The following SAMD4A variants were observed in gnomAD, a reference collection of about 807,000 sequenced individuals.
The protein encoded by SAMD4A is sterile alpha motif domain containing 4A.
In SAMD4A, 33 loss-of-function variants were observed where a neutral mutation model predicts 81.3. That is an observed-to-expected ratio of 0.41 (90% CI 0.31 to 0.54). SAMD4A has a LOEUF of 0.54. Among genes scored for constraint, SAMD4A ranks in the 20% least tolerant of loss-of-function variants. The pLI, the probability that SAMD4A is intolerant of heterozygous loss-of-function variation, is 0.37. For synonymous variants in SAMD4A, 389 were observed against 382.1 expected, an observed-to-expected ratio of 1.02 and a Z score of -0.21; for missense variants, 854 against 951.1, an observed-to-expected ratio of 0.90 and a Z score of 1.34.
rs775135302 is a variant in SAMD4A, at chr14:54,775,154, AAGG to A, written c.1917+27_1917+29del. The A allele has an allele frequency of 1.1e-5, 18 of 1,614,002 alleles. No homozygotes were observed. The highest frequency in any genetic ancestry group is 8.3e-5 in the Admixed American group (5 of 60,010). ...AAGACAGGTTTGTTCTGCCCCAAGG[AAGG>A]AGGAGGATGGCCAAGCTCAAGGCCC... On this transcript the variant is annotated intron_variant, in intron 10 of 12. Coordinates refer to ENST00000554335, the MANE Select transcript of SAMD4A (RefSeq NM_015589.6).
chr14:54,647,395 G>A (rs2035309076), intron 2 of SAMD4A, among the ~76,000 whole-genome samples: 2 of 152,190 alleles, frequency 1.3e-5, no homozygotes, highest in Admixed American at 6.5e-5. Context: ...GTAAGTGGCA[G>A]AACAGTTCTA....
At chr14:54,656,597 AAGCTG>A (rs1443804456) in intron 2 of SAMD4A, among the ~76,000 whole-genome samples, 47 of 152,142 alleles carry the variant, frequency 3.1e-4, no homozygotes, top group African/African-American at 1.1e-3. Context: ...AATAATAGTA[AAGCTG>A]ATTCTGAAAC....
At chr14:54,676,150 C>A (rs1218081642) in intron 2 of SAMD4A, among the ~76,000 whole-genome samples, 1 of 152,174 alleles carries the variant, frequency 6.6e-6, no homozygotes. Context: ...AATACCACAG[C>A]AGCTCCATGT....
At chr14:54,745,005 G>A (rs995089931) in intron 4 of SAMD4A, among the ~76,000 whole-genome samples, 30 of 152,112 alleles carry the variant, frequency 2.0e-4, no homozygotes, top group African/African-American at 7.2e-4. Flanking sequence ...CAGCTACTTT[G>A]TCTCTGTCAC....
At chr14:54,572,952 C>A (rs2033175260) in intron 2 of SAMD4A, among the ~76,000 whole-genome samples, 1 of 152,170 alleles carries the variant, frequency 6.6e-6, no homozygotes, top group Admixed American at 6.5e-5. Flanking sequence ...GACCCACCTT[C>A]TATGTTTTAG....
chr14:54,640,137 G>A (rs562923336), intron 2 of SAMD4A, among the ~76,000 whole-genome samples: 58 of 152,020 alleles, frequency 3.8e-4, no homozygotes, highest in Non-Finnish European at 6.5e-4. Context: ...GCCCTCCCCC[G>A]AAGAAACAAA....
At chr14:54,682,166 G>C (rs2036143738) in intron 2 of SAMD4A, 1 of 526,100 alleles carries the variant, frequency 1.9e-6, no homozygotes, top group South Asian at 8.2e-5. Flanking sequence ...AGTCTGCTGT[G>C]TGCACAGAAG....
At chr14:54,739,002 G>GT (rs1216318545) in intron 4 of SAMD4A, among the ~76,000 whole-genome samples, 1 of 146,834 alleles carries the variant, frequency 6.8e-6, no homozygotes, top group Non-Finnish European at 1.5e-5. Context: ...CCACTGTCTG[G>GT]TTTTTGGACA....
chr14:54,744,251 C>A (rs1440479300), intron 4 of SAMD4A, among the ~76,000 whole-genome samples: 1 of 152,186 alleles, frequency 6.6e-6, no homozygotes, highest in East Asian at 1.9e-4. Context: ...ATCTTTCTGT[C>A]TTCTGGGGTT....
intron 2 of SAMD4A, among the ~76,000 whole-genome samples, chr14:54,669,898 G>A (rs1286244151): frequency 2.0e-5 from 3 of 152,158 alleles, no homozygotes; most frequent in African/African-American, 4.8e-5. Context: ...GCTGAATCAT[G>A]TTTAAGTGTA....
rs976180198 is a variant in SAMD4A at position 54,792,284 on chromosome 14, T to C, written c.*3340T>C. 7 of 152,242 alleles carry C rather than the reference T, an allele frequency of 4.6e-5. No individual in the cohort carries two copies. The highest frequency in any genetic ancestry group is 1.7e-4 in the African/African-American group (7 of 41,458). The allele number at this position is 152,242 out of a possible 1,614,324, so 9.4% of individuals were successfully genotyped here. On this transcript the variant is annotated 3_prime_UTR_variant, in exon 13 of 13. Transcript: ENST00000554335. ...CTGTGTATTGAGGGTTCCTTTTTGG[T>C]ACTCAGGATTGGAGCTACAGCTGGG...
At chr14:54,683,350 G>C (rs1476686474) in intron 2 of SAMD4A, among the ~76,000 whole-genome samples, 1 of 152,178 alleles carries the variant, frequency 6.6e-6, no homozygotes, top group Non-Finnish European at 1.5e-5. Context: ...GGAGCCCAAG[G>C]CAGTCACATA....
intron 11 of SAMD4A, among the ~76,000 whole-genome samples, chr14:54,781,794 C>T (rs778942835): frequency 9.2e-5 from 14 of 152,226 alleles, no homozygotes; most frequent in Admixed American, 3.3e-4. Context: ...GGGCACCTAG[C>T]CCCATACAGC....
At chr14:54,677,388 A>G (rs2140545749) in intron 2 of SAMD4A, among the ~76,000 whole-genome samples, 1 of 152,324 alleles carries the variant, frequency 6.6e-6, no homozygotes, top group Non-Finnish European at 1.5e-5. Context: ...CTATTACCCT[A>G]ACTCCTCCAC....
At chr14:54,621,000 G>A (rs896971989) in intron 2 of SAMD4A, among the ~76,000 whole-genome samples, 3 of 152,098 alleles carry the variant, frequency 2.0e-5, no homozygotes, top group Non-Finnish European at 2.9e-5. Flanking sequence ...TCAAACTCCT[G>A]GCCTCAAGTG....
chr14:54,626,578 G>C (rs2034770404), intron 2 of SAMD4A, among the ~76,000 whole-genome samples: 2 of 151,970 alleles, frequency 1.3e-5, no homozygotes, highest in Non-Finnish European at 2.9e-5. Context: ...AAGTCGAACG[G>C]GTCTCCCTTA....
intron 3 of SAMD4A, among the ~76,000 whole-genome samples, chr14:54,710,184 A>G (rs1442085318): frequency 6.6e-6 from 1 of 152,196 alleles, no homozygotes; most frequent in Non-Finnish European, 1.5e-5. Flanking sequence ...GTCCACTTCT[A>G]CAGATTCATG....
chr14:54,765,331 G>C (rs1420698512), intron 8 of SAMD4A, among the ~76,000 whole-genome samples: 1 of 152,086 alleles, frequency 6.6e-6, no homozygotes, highest in Non-Finnish European at 1.5e-5. Context: ...GTGAGAATAA[G>C]ATAGTAAGGG....
intron 2 of SAMD4A, among the ~76,000 whole-genome samples, chr14:54,617,284 C>G (rs2034512194): frequency 1.3e-5 from 2 of 152,168 alleles, no homozygotes; most frequent in Non-Finnish European, 2.9e-5. Flanking sequence ...ATACACTGGA[C>G]TCTTTCAACA....
Sources: gnomAD v4.1 joint callset for allele counts (sites outside exome capture counted in the v4.1 genomes callset) on GRCh38, gnomAD v4.1.1 for gene constraint, MANE v1.5 for transcripts, NCBI Gene and HGNC (gene_info 2026-07-23, HGNC 2026-07-21) for gene names.